VAV2: variants seen among roughly 807,000 people sequenced by gnomAD.
VAV2 encodes the protein guanine nucleotide exchange factor VAV2.
Under a neutral mutation model 132.5 loss-of-function variants are expected in VAV2, and 67 were observed. That is an observed-to-expected ratio of 0.51 (90% CI 0.42 to 0.62). The LOEUF (loss-of-function observed/expected upper bound fraction) is 0.62. VAV2 is among the 20% of genes least tolerant of loss of function. The probability of loss-of-function intolerance (pLI) is 0.00; values close to 1 mark genes in which losing one functional copy is unlikely to be tolerated. For missense variants in VAV2, 938 were observed against 1,153.6 expected (o/e 0.81, Z 2.71); for synonymous variants, 492 against 443.5 (o/e 1.11, Z -1.37).
chr9:133,766,763 T>TATATATATAC (rs1833449883), intron 29 of VAV2, among the ~76,000 whole-genome samples: 1 of 115,050 alleles, frequency 8.7e-6, no homozygotes, highest in African/African-American at 4.1e-5. Flanking sequence ...TAAATAAATA[T>TATATATATAC]ATATATATAT....
At position 133,961,691 on chromosome 9, in the gene VAV2, T is replaced by C. The variant is rs934960484; in HGVS notation, c.205-22472A>G. Among the ~76,000 whole-genome samples, 3 of 152,142 alleles carry C rather than the reference T, an allele frequency of 2.0e-5. No individual in the cohort carries two copies. The highest frequency in any genetic ancestry group is 4.4e-5 in the Non-Finnish European group (3 of 68,016). ...AGTTTTACTTCCCATTGCAAACCCCTAGCCGGTTTGCCTGCGAACTCCCAA... is the reference window on the plus strand; with the variant it reads ...AGTTTTACTTCCCATTGCAAACCCCCAGCCGGTTTGCCTGCGAACTCCCAA... On this transcript the variant is annotated intron_variant, in intron 1 of 29. Transcript: ENST00000371850. This position sits in a 1 kb window ranked among gnomAD's most constrained non-coding sequence, Gnocchi z 4.1.
At position 133,853,768 on chromosome 9, in the gene VAV2, C is replaced by T. The variant is rs2502764; in HGVS notation, c.380+7606G>A. Among the ~76,000 whole-genome samples, 1,368 of 152,180 alleles carry T rather than the reference C, an allele frequency of 9.0e-3. 19 individuals carry two copies. Among genetic ancestry groups the T allele is most frequent in the African/African-American group, 0.031 (1,289 of 41,506 alleles). The stretch of plus-strand genomic sequence containing the variant: ...GCTCTCCCTCCCCATGCCAACACTG[C>T]CCAGACAGGACAGCCGAGCACCCTC... On this transcript the variant is annotated intron_variant, in intron 3 of 29. Coordinates refer to ENST00000371850, the MANE Select transcript of VAV2 (RefSeq NM_001134398.2).
chr9:133,828,922 C>T (rs1836157259), intron 4 of VAV2, among the ~76,000 whole-genome samples: 1 of 152,166 alleles, frequency 6.6e-6, no homozygotes. Flanking sequence ...CCAGCTGTCA[C>T]CTCTTCTGAG....
intron 26 of VAV2, among the ~76,000 whole-genome samples, chr9:133,771,020 C>T (rs937534346): frequency 2.6e-5 from 4 of 151,116 alleles, no homozygotes; most frequent in East Asian, 3.9e-4. Context: ...CGCTGGTTTC[C>T]GCTTTTGTTT....
At chr9:133,877,804 G>T (rs1173206723) in intron 2 of VAV2, among the ~76,000 whole-genome samples, 1 of 152,156 alleles carries the variant, frequency 6.6e-6, no homozygotes, top group East Asian at 1.9e-4. Flanking sequence ...ATGGGAAGGG[G>T]ACTAATAACT....
rs2488556 is a variant in VAV2 at position 133,824,920 on chromosome 9, C to T, written c.449+9352G>A. 0.17 allele frequency among the ~76,000 whole-genome samples: 25,719 copies of T among 151,978 alleles called. 2,499 individuals carry two copies. Among genetic ancestry groups the T allele is most frequent in the African/African-American group, 0.26 (10,579 of 41,474 alleles). Reference sequence around the variant, plus strand: ...GCGCTCAGGGAGATGCAACTGGAAGCGTCTTGACAGAGGGACCCTCCGGGG... The same window carrying T: ...GCGCTCAGGGAGATGCAACTGGAAGTGTCTTGACAGAGGGACCCTCCGGGG... On this transcript the variant is annotated intron_variant, in intron 4 of 29. Coordinates refer to ENST00000371850, the MANE Select transcript of VAV2 (RefSeq NM_001134398.2). This position sits in a 1 kb window ranked among gnomAD's most constrained non-coding sequence, Gnocchi z 5.2.
rs766419867 is a variant in VAV2 at position 133,769,507 on chromosome 9, CA to C, written c.2348-5del. 1 of 1,610,458 alleles carries C rather than the reference CA, an allele frequency of 6.2e-7. No individual in the cohort carries two copies. Among genetic ancestry groups the C allele is most frequent in the Non-Finnish European group, 8.5e-7 (1 of 1,178,412 alleles). On this transcript the variant is annotated splice_region_variant and splice_polypyrimidine_tract_variant and intron_variant, in intron 27 of 29. Transcript: ENST00000371850. This position sits in a 1 kb window ranked among gnomAD's most constrained non-coding sequence, Gnocchi z 8.1. Reference sequence around the variant, plus strand: ...AAGTTGTAGGAAGCACAGGAAGCTGCAAAGAGGCGAGAGAGAACGTGAGGCG... The same window carrying C: ...AAGTTGTAGGAAGCACAGGAAGCTGCAAGAGGCGAGAGAGAACGTGAGGCG...
chr9:133,798,426 G>A (rs540146456), intron 9 of VAV2, among the ~76,000 whole-genome samples: 3 of 152,228 alleles, frequency 2.0e-5, no homozygotes, highest in Non-Finnish European at 2.9e-5. Flanking sequence ...CCTGCCCACC[G>A]CCTCCTCCTG....
intron 4 of VAV2, among the ~76,000 whole-genome samples, chr9:133,821,838 C>T (rs1835799981): frequency 6.6e-6 from 1 of 152,190 alleles, no homozygotes. Flanking sequence ...AGACCTGGGC[C>T]CCAGCCCAGC....
chr9:133,986,632 T>C (rs1842863459), intron 1 of VAV2, among the ~76,000 whole-genome samples: 1 of 152,224 alleles, frequency 6.6e-6, no homozygotes, highest in African/African-American at 2.4e-5. Flanking sequence ...CAAGAAAAAG[T>C]TACCTGTGTT....
At chr9:133,966,289 C>T (rs1302654329) in intron 1 of VAV2, among the ~76,000 whole-genome samples, 2 of 152,240 alleles carry the variant, frequency 1.3e-5, no homozygotes, top group Non-Finnish European at 2.9e-5. Context: ...AATGGGATTA[C>T]ATCAAGCTAA....
chr9:133,799,871 G>A (rs370441458), intron 9 of VAV2, among the ~76,000 whole-genome samples: 110 of 152,258 alleles, frequency 7.2e-4, no homozygotes, highest in African/African-American at 2.5e-3. Context: ...CGGACAGCCC[G>A]AAAGTGAGCG....
chr9:133,972,905 C>G (rs1842386773), intron 1 of VAV2, among the ~76,000 whole-genome samples: 1 of 152,204 alleles, frequency 6.6e-6, no homozygotes, highest in Admixed American at 6.5e-5. Context: ...GCACTGGCTA[C>G]TCCCATGATG....
chr9:133,945,479 G>A (rs554987253), intron 1 of VAV2, among the ~76,000 whole-genome samples: 87 of 152,334 alleles, frequency 5.7e-4, no homozygotes, highest in South Asian at 1.7e-3. Flanking sequence ...CATTTGCTCC[G>A]TCAGATGTGG....
intron 1 of VAV2, among the ~76,000 whole-genome samples, chr9:133,964,994 A>T (rs1001027974): frequency 2.6e-5 from 4 of 152,202 alleles, no homozygotes; most frequent in Admixed American, 2.0e-4. Flanking sequence ...CAGGAAAGAA[A>T]TAGAGGGCCT....
chr9:133,769,299 T>C lies in VAV2; in HGVS notation c.2434+118A>G, dbSNP rs1833536238. On this transcript the variant is annotated intron_variant, in intron 28 of 29. Coordinates refer to ENST00000371850, the MANE Select transcript of VAV2 (RefSeq NM_001134398.2). This position sits in a 1 kb window ranked among gnomAD's most constrained non-coding sequence, Gnocchi z 8.1. ...TTCTCCCCTCCACCCAGTGCCAGAC[T>C]GCGGACAACTGTGGCCACGTCAGGC... The C allele has an allele frequency of 9.1e-7, 1 of 1,104,668 alleles. No individual in the cohort carries two copies. The highest frequency in any genetic ancestry group is 1.6e-5 in the South Asian group (1 of 61,638). 68.4% of individuals were successfully genotyped at this position (1,104,668 alleles called of 1,614,324 possible). A position where few individuals can be genotyped will look rare whatever the true frequency, so the allele number is the denominator to read the frequency against.
At chr9:133,864,956 G>T (rs1837742824) in intron 2 of VAV2, among the ~76,000 whole-genome samples, 1 of 152,228 alleles carries the variant, frequency 6.6e-6, no homozygotes, top group African/African-American at 2.4e-5. Flanking sequence ...TCTTCAGGTT[G>T]TAGGCCCATC....
At chr9:133,977,977 G>C (rs530786444) in intron 1 of VAV2, among the ~76,000 whole-genome samples, 10 of 104,304 alleles carry the variant, frequency 9.6e-5, no homozygotes, top group African/African-American at 6.0e-4. Flanking sequence ...ACGTGTATGC[G>C]TCCACCTGCC....
chr9:133,814,216 G>A (rs150660798), intron 4 of VAV2, among the ~76,000 whole-genome samples: 1 of 152,334 alleles, frequency 6.6e-6, no homozygotes, highest in Non-Finnish European at 1.5e-5. Context: ...TCCCCAGCCA[G>A]GTCCGGCGAC....
Sources: allele counts gnomAD v4.1 joint callset (sites outside exome capture counted in the v4.1 genomes callset), GRCh38; gene constraint gnomAD v4.1.1; non-coding constraint Gnocchi (gnomAD v3.1); transcripts MANE v1.5; gene names NCBI Gene and HGNC (gene_info 2026-07-23, HGNC 2026-07-21).